Variants in OTUD5 observed in about 807,000 individuals in gnomAD.
The protein encoded by OTUD5 is OTU domain-containing protein 5.
A neutral mutation model predicts 36.3 loss-of-function variants in OTUD5; 2 were observed. The observed-to-expected ratio is 0.06, with a 90% CI of 0.02 to 0.17. The LOEUF is 0.17. OTUD5 is among the 10% of genes least tolerant of loss of function. OTUD5 has a pLI of 1.00. For synonymous variants in OTUD5, 234 were observed against 214.9 expected (o/e 1.09, Z -0.78); for missense variants, 233 against 512.3 (o/e 0.45, Z 5.26).
chrX:48,929,217 T>C (rs2063713270), intron 5 of OTUD5, among the ~76,000 whole-genome samples: 1 of 106,733 alleles, frequency 9.4e-6, no homozygotes, highest in African/African-American at 3.4e-5. Flanking sequence ...GTGAAACCTG[T>C]CTCTACTAAA....
At chrX:48,944,566 C>T (rs1304340524) in intron 1 of OTUD5, among the ~76,000 whole-genome samples, 1 of 112,393 alleles carries the variant, frequency 8.9e-6, no homozygotes, top group Non-Finnish European at 1.9e-5. Flanking sequence ...GGGCCTGGCC[C>T]AGGGAGCCAC....
chrX:48,956,590 G>C (rs1048848902), intron 1 of OTUD5, among the ~76,000 whole-genome samples: 3 of 111,359 alleles, frequency 2.7e-5, no homozygotes, highest in Admixed American at 1.9e-4. Flanking sequence ...CAGAGGAAAA[G>C]AGCTCTTAAG....
chrX:48,951,441 T>C (rs1157924539), intron 1 of OTUD5, among the ~76,000 whole-genome samples: 1 of 111,489 alleles, frequency 9.0e-6, no homozygotes, highest in African/African-American at 3.3e-5. Context: ...AGTGAATCCC[T>C]GTCTCTACTA....
chrX:48,945,461 G>A (rs1365747339), intron 1 of OTUD5, among the ~76,000 whole-genome samples: 3 of 108,293 alleles, frequency 2.8e-5, no homozygotes, highest in South Asian at 4.1e-4. Context: ...TAGTAGAGAC[G>A]GGGTTTCACC....
intron 1 of OTUD5, among the ~76,000 whole-genome samples, chrX:48,947,149 C>A (rs1387696827): frequency 2.7e-5 from 3 of 111,735 alleles, no homozygotes; most frequent in African/African-American, 9.8e-5. Context: ...GAGGCCGAGG[C>A]AGGTGGATCA....
Position 48,923,070 on chromosome X carries a change from A to G in OTUD5, c.*104T>C. 8.4e-7 allele frequency: 1 copy of G among 1,186,026 alleles called. No homozygotes were observed. Among genetic ancestry groups the G allele is most frequent in the Admixed American group, 2.2e-5 (1 of 44,788 alleles). On this transcript the variant is annotated 3_prime_UTR_variant, in exon 9 of 9. Transcript: ENST00000376488. ...GAGGAGGGAAAAGAGGGGAGAGCAG[A>G]AAGAACAGAAGGAGGCAAGAGGGAA... is the stretch of plus-strand genomic sequence containing the variant.
chrX:48,922,960 G>A lies in OTUD5; in HGVS notation c.*214C>T. Reference sequence around the variant, plus strand: ...TGCGGGATGGGGTGGGGGGCAACAGGGCACATCAGCTGGCAGAGAGACAGG... The same window carrying A: ...TGCGGGATGGGGTGGGGGGCAACAGAGCACATCAGCTGGCAGAGAGACAGG... On this transcript the variant is annotated 3_prime_UTR_variant, in exon 9 of 9. Transcript: ENST00000376488. 2.8e-6 allele frequency: 3 copies of A among 1,063,003 alleles called. No individual in the cohort carries two copies. The highest frequency in any genetic ancestry group is 3.6e-6 in the Non-Finnish European group (3 of 823,717). 87.6% of individuals were successfully genotyped at this position (1,063,003 alleles called of 1,213,427 possible). A position where few individuals can be genotyped will look rare whatever the true frequency, so the allele number is the denominator to read the frequency against.
Position 48,951,578 on chromosome X carries a change from A to C in OTUD5, c.594+5399T>G, listed in dbSNP as rs782656584. On this transcript the variant is annotated intron_variant, in intron 1 of 8. Coordinates refer to ENST00000376488, the MANE Select transcript of OTUD5 (RefSeq NM_001136157.2). ...TGCAGTGAGCCAAGATCGCGCCACT[A>C]CACTCCAGCCTGGGGGACAGAGTGA... Among the ~76,000 whole-genome samples, 7 of 109,124 alleles carry C rather than the reference A, an allele frequency of 6.4e-5. No homozygotes were observed. In the East Asian group the frequency reaches 1.7e-3, roughly 27 times the overall value. 94.8% of individuals were successfully genotyped at this position (109,124 alleles called of 115,157 possible).
intron 2 of OTUD5, among the ~76,000 whole-genome samples, chrX:48,937,841 G>A (rs2063853427): frequency 8.9e-6 from 1 of 111,990 alleles, no homozygotes; most frequent in Non-Finnish European, 1.9e-5. Flanking sequence ...TTACCCACGA[G>A]TCAGCCAGAA....
intron 2 of OTUD5, 34 bp from the exon 3 acceptor site, chrX:48,935,052 A>G: frequency 8.9e-7 from 1 of 1,126,056 alleles, no homozygotes; most frequent in Non-Finnish European, 1.2e-6. Flanking sequence ...AGCTAGGGTC[A>G]GAGATGCCAG....
upstream of OTUD5, chrX:48,957,715 TCGGCGGCGGAGGAGGCGGCGGCGG>T (rs1449722373): frequency 2.8e-5 from 22 of 785,160 alleles, no homozygotes; most frequent in Non-Finnish European, 3.2e-5. Context: ...TCGAGAACCC[TCGGCGGCGGAGGAGGCGGCGGCGG>T]CGGCGGCGGC....
chrX:48,945,823 C>T (rs1557052258), intron 1 of OTUD5, among the ~76,000 whole-genome samples: 1 of 110,720 alleles, frequency 9.0e-6, no homozygotes, highest in African/African-American at 3.3e-5. Context: ...CTTAAATGAA[C>T]CTGTACAAAT....
chrX:48,926,559 G>C (rs958616542), intron 5 of OTUD5, among the ~76,000 whole-genome samples: 6 of 110,774 alleles, frequency 5.4e-5, no homozygotes, highest in African/African-American at 2.0e-4. Context: ...CACCATGTTG[G>C]CCAGGCTGGC....
At chrX:48,925,044 C>T (rs1557047370) in intron 6 of OTUD5, among the ~76,000 whole-genome samples, 5 of 110,169 alleles carry the variant, frequency 4.5e-5, no homozygotes, top group Admixed American at 9.7e-5. Context: ...TTTGGGAGGC[C>T]GAGGTGGTCG....
intron 5 of OTUD5, among the ~76,000 whole-genome samples, chrX:48,931,256 C>T (rs1408480273): frequency 8.9e-6 from 1 of 111,992 alleles, no homozygotes; most frequent in Admixed American, 9.5e-5. Context: ...GCATAAATGA[C>T]ACTCATAGTA....
At chrX:48,952,066 C>T (rs868960765) in intron 1 of OTUD5, among the ~76,000 whole-genome samples, 1 of 108,237 alleles carries the variant, frequency 9.2e-6, no homozygotes, top group Non-Finnish European at 1.9e-5. Context: ...AAAAAAAAAA[C>T]AAAAACAAAA....
At chrX:48,942,234 CACACACACAT>C (rs2063938148) in intron 2 of OTUD5, among the ~76,000 whole-genome samples, 1 of 82,414 alleles carries the variant, frequency 1.2e-5, no homozygotes, top group East Asian at 4.5e-4. Context: ...TAGCTAGATA[CACACACACAT>C]ACACACACAC....
intron 1 of OTUD5, among the ~76,000 whole-genome samples, chrX:48,951,285 G>A (rs1034021937): frequency 1.8e-5 from 2 of 111,903 alleles, no homozygotes; most frequent in Non-Finnish European, 1.9e-5. Flanking sequence ...ACCCCCTCCA[G>A]CAAAGCACCC....
At chrX:48,956,692 C>T (rs2064248311) in intron 1 of OTUD5, among the ~76,000 whole-genome samples, 1 of 111,087 alleles carries the variant, frequency 9.0e-6, no homozygotes, top group Non-Finnish European at 1.9e-5. Flanking sequence ...GAATTCCCAC[C>T]TATTGGCCCT....
Sources: allele counts gnomAD v4.1 joint callset (sites outside exome capture counted in the v4.1 genomes callset), GRCh38; gene constraint gnomAD v4.1.1; transcripts MANE v1.5; gene names NCBI Gene and HGNC (gene_info 2026-07-23, HGNC 2026-07-21).